DTNA: variants seen among roughly 807,000 people sequenced by gnomAD.
The protein encoded by DTNA is dystrobrevin alpha, also known as dystrophin-related protein 3.
DTNA carries 43 observed loss-of-function variants against 100.7 expected under a neutral mutation model. The observed-to-expected ratio is 0.43, with a 90% confidence interval of 0.33 to 0.55. DTNA has a LOEUF of 0.55. Among genes scored for constraint, DTNA ranks in the 20% least tolerant of loss-of-function variants. The probability of loss-of-function intolerance (pLI) is 0.04; values close to 1 mark genes in which losing one functional copy is unlikely to be tolerated. For missense variants in DTNA, 798 were observed against 953.9 expected, an observed-to-expected ratio of 0.84 and a Z score of 2.15; for synonymous variants, 349 against 347.9, an observed-to-expected ratio of 1.00 and a Z score of -0.04.
At chr18:34,690,184 C>T (rs916825310) in intron 1 of DTNA, among the ~76,000 whole-genome samples, 2 of 152,176 alleles carry the variant, frequency 1.3e-5, no homozygotes, top group Non-Finnish European at 2.9e-5. Flanking sequence ...CCAGGCACCA[C>T]TGGGGTACAA....
intron 1 of DTNA, chr18:34,493,861 G>C (rs1426848152): frequency 6.8e-6 from 1 of 148,122 alleles, no homozygotes; most frequent in Non-Finnish European, 1.5e-5. Context: ...GTTCCCACCT[G>C]TGCGCCGGCG....
chr18:34,831,678 G>C (rs1439372442), intron 11 of DTNA, among the ~76,000 whole-genome samples: 1 of 152,188 alleles, frequency 6.6e-6, no homozygotes, highest in African/African-American at 2.4e-5. Flanking sequence ...TGAGGCAGGA[G>C]AATAACTTGA....
intron 1 of DTNA, among the ~76,000 whole-genome samples, chr18:34,662,128 GGTT>G (rs1459966427): frequency 1.3e-5 from 2 of 149,338 alleles, no homozygotes; most frequent in African/African-American, 4.9e-5. Flanking sequence ...GTTAAGAACC[GGTT>G]GTTGTTTTTT....
At chr18:34,660,350 A>C (rs1017867291) in intron 1 of DTNA, among the ~76,000 whole-genome samples, 1 of 151,402 alleles carries the variant, frequency 6.6e-6, no homozygotes, top group African/African-American at 2.4e-5. Context: ...TTAACATTAA[A>C]ACAGAGATCT....
At chr18:34,673,719 C>A (rs1194843920) in intron 1 of DTNA, among the ~76,000 whole-genome samples, 1 of 152,144 alleles carries the variant, frequency 6.6e-6, no homozygotes, top group Non-Finnish European at 1.5e-5. Flanking sequence ...ATTCTACATT[C>A]ATTGCTGAAG....
At chr18:34,675,179 A>C (rs184052176) in intron 1 of DTNA, among the ~76,000 whole-genome samples, 3 of 152,040 alleles carry the variant, frequency 2.0e-5, no homozygotes, top group Non-Finnish European at 2.9e-5. Context: ...CAGTAGTCCT[A>C]TGAATTTTCA....
At chr18:34,781,275 A>G (rs1390375271) in intron 3 of DTNA, among the ~76,000 whole-genome samples, 2 of 152,348 alleles carry the variant, frequency 1.3e-5, no homozygotes, top group Admixed American at 1.3e-4. Context: ...AAAGAGTAGT[A>G]TACATTAATA....
intron 1 of DTNA, among the ~76,000 whole-genome samples, chr18:34,638,594 T>G (rs1019760557): frequency 6.6e-6 from 1 of 152,232 alleles, no homozygotes; most frequent in Non-Finnish European, 1.5e-5. Flanking sequence ...ATTTACAGTT[T>G]AATTCTCAGA....
chr18:34,574,951 T>A (rs4399605), intron 1 of DTNA, among the ~76,000 whole-genome samples: 15,575 of 152,222 alleles, frequency 0.1, 1,166 homozygotes, highest in African/African-American at 0.2. Context: ...TCATGAGAAA[T>A]GCCTGTTTTT....
chr18:34,761,708 A>C (rs8098591), intron 2 of DTNA, among the ~76,000 whole-genome samples: 2,188 of 152,300 alleles, frequency 0.014, 54 homozygotes, highest in African/African-American at 0.05. Context: ...GCCTTAAATA[A>C]ATTTGTTTTA....
At chr18:34,535,917 A>G (rs1244389041) in intron 1 of DTNA, among the ~76,000 whole-genome samples, 4 of 152,086 alleles carry the variant, frequency 2.6e-5, no homozygotes, top group Admixed American at 2.6e-4. Flanking sequence ...ACAGAAGTTT[A>G]GAGAGTAAAA....
intron 3 of DTNA, among the ~76,000 whole-genome samples, chr18:34,789,468 A>T (rs922065602): frequency 6.6e-5 from 10 of 152,164 alleles, no homozygotes; most frequent in Non-Finnish European, 1.5e-4. Context: ...CCCAATCAAG[A>T]CCATATCGTA....
chr18:34,871,086 C>G (rs1487428988), intron 17 of DTNA, among the ~76,000 whole-genome samples: 1 of 152,194 alleles, frequency 6.6e-6, no homozygotes, highest in African/African-American at 2.4e-5. Flanking sequence ...CCAGGCATGA[C>G]CAGACTGCAT....
intron 1 of DTNA, among the ~76,000 whole-genome samples, chr18:34,497,791 C>CTTA (rs1335105751): frequency 6.6e-6 from 1 of 151,752 alleles, no homozygotes; most frequent in Non-Finnish European, 1.5e-5. Context: ...GAGTGCTAGA[C>CTTA]AAAAACAGAT....
chr18:34,887,661 G>T, intron 22 of DTNA, 105 bp from the exon 23 acceptor site: 1 of 837,920 alleles, frequency 1.2e-6, no homozygotes, highest in Non-Finnish European at 1.4e-6. Context: ...GTGTGTGCGC[G>T]CGCACTTTCT....
At chr18:34,808,290 T>A (rs1468613798) in intron 5 of DTNA, among the ~76,000 whole-genome samples, 1 of 152,156 alleles carries the variant, frequency 6.6e-6, no homozygotes, top group Middle Eastern at 3.2e-3. Flanking sequence ...GATTTCATCC[T>A]CCTCCAAGAG....
chr18:34,841,050 C>T (rs1204428222), intron 13 of DTNA, among the ~76,000 whole-genome samples: 1 of 152,004 alleles, frequency 6.6e-6, no homozygotes, highest in African/African-American at 2.4e-5. Flanking sequence ...GCTCTATGTT[C>T]AGAGCCTTGT....
intron 1 of DTNA, among the ~76,000 whole-genome samples, chr18:34,725,547 G>A (rs1195754883): frequency 2.0e-5 from 3 of 152,252 alleles, no homozygotes; most frequent in East Asian, 1.9e-4. Flanking sequence ...ACCACAATAC[G>A]ATACTATCTC....
chr18:34,589,420 A>G (rs1307269964), intron 1 of DTNA, among the ~76,000 whole-genome samples: 1 of 152,130 alleles, frequency 6.6e-6, no homozygotes, highest in Non-Finnish European at 1.5e-5. Context: ...CATCCTGGCT[A>G]ACATAATAAA....
Sources: allele counts gnomAD v4.1 joint callset (sites outside exome capture counted in the v4.1 genomes callset), GRCh38; gene constraint gnomAD v4.1.1; transcripts MANE v1.5; gene names NCBI Gene and HGNC (gene_info 2026-07-23, HGNC 2026-07-21).